GSK3B: variants seen among roughly 807,000 people sequenced by gnomAD.
GSK3B encodes glycogen synthase kinase 3 beta, also known as glycogen synthase kinase-3 beta.
GSK3B carries 15 observed loss-of-function variants against 56.4 expected under a neutral mutation model. That is an observed-to-expected ratio of 0.27 (90% CI 0.18 to 0.41). The LOEUF (loss-of-function observed/expected upper bound fraction) is 0.41. Ranked by LOEUF, GSK3B falls within the 10% of genes least tolerant of loss-of-function variation. The probability of loss-of-function intolerance (pLI) is 1.00; values close to 1 mark genes in which losing one functional copy is unlikely to be tolerated. For synonymous variants in GSK3B, 181 were observed against 188.9 expected, an observed-to-expected ratio of 0.96 and a Z score of 0.34; for missense variants, 300 against 513.4, an observed-to-expected ratio of 0.58 and a Z score of 4.02.
chr3:119,929,799 C>T lies in GSK3B; in HGVS notation c.367-6316G>A, dbSNP rs372182583. ...TGCCTGTAATCCCAGCTACTCTGGA[C>T]GCTGAGGCAGGAGAATGGCTTGAAC... On this transcript the variant is annotated intron_variant, in intron 3 of 10. Transcript: ENST00000264235. Among the ~76,000 whole-genome samples the T allele has an allele frequency of 9.4e-4, 143 of 151,470 alleles. 6 individuals are homozygous for T. In the South Asian group the frequency reaches 0.025, roughly 27 times the overall value.
chr3:120,080,040 A>G (rs1456888552), intron 1 of GSK3B, among the ~76,000 whole-genome samples: 1 of 152,186 alleles, frequency 6.6e-6, no homozygotes, highest in Admixed American at 6.5e-5. Flanking sequence ...CACACCTGCA[A>G]TCCCAGCACT....
chr3:120,052,658 T>C (rs2058159946), intron 1 of GSK3B, among the ~76,000 whole-genome samples: 1 of 152,184 alleles, frequency 6.6e-6, no homozygotes, highest in Non-Finnish European at 1.5e-5. Context: ...CTCATTACAC[T>C]CTCAGACACA....
chr3:119,829,472 T>C (rs2055565926), intron 10 of GSK3B, among the ~76,000 whole-genome samples: 1 of 152,232 alleles, frequency 6.6e-6, no homozygotes, highest in Admixed American at 6.5e-5. Flanking sequence ...ATCTATCTGT[T>C]TGACCACTAC....
At chr3:119,908,464 A>C (rs1367986406) in intron 6 of GSK3B, among the ~76,000 whole-genome samples, 1 of 152,190 alleles carries the variant, frequency 6.6e-6, no homozygotes, top group Non-Finnish European at 1.5e-5. Flanking sequence ...CAGTATTTTC[A>C]CTAACATTTT....
intron 3 of GSK3B, among the ~76,000 whole-genome samples, chr3:119,940,337 A>G (rs1214287721): frequency 6.6e-6 from 1 of 152,120 alleles, no homozygotes; most frequent in Non-Finnish European, 1.5e-5. Context: ...TCTTTATACT[A>G]TACTGCTTCA....
chr3:120,082,385 CTTTTTTTTTTTTTTT>C (rs1173737285), intron 1 of GSK3B, among the ~76,000 whole-genome samples: 2 of 66,400 alleles, frequency 3.0e-5, no homozygotes, highest in East Asian at 6.9e-4. Context: ...TTAGTATGTT[CTTTTTTTTTTTTTTT>C]TTTTTTTTTT....
chr3:119,897,517 C>T (rs1477252727), intron 7 of GSK3B, among the ~76,000 whole-genome samples: 1 of 151,654 alleles, frequency 6.6e-6, no homozygotes, highest in Admixed American at 6.6e-5. Flanking sequence ...CCCTGGAGTT[C>T]TTGGGAGAGC....
At position 120,000,993 on chromosome 3, in the gene GSK3B, C is replaced by T. The variant is rs1307100567; in HGVS notation, c.282+1053G>A. On this transcript the variant is annotated intron_variant, in intron 2 of 10. Coordinates refer to ENST00000264235, the MANE Select transcript of GSK3B (RefSeq NM_001146156.2). Reference sequence around the variant, plus strand: ...AAGCTGGAGTGCAGTGGCGCGATCTCGGCTCACTACAAGCTCTGCCTCCCG... The same window carrying T: ...AAGCTGGAGTGCAGTGGCGCGATCTTGGCTCACTACAAGCTCTGCCTCCCG... Among the ~76,000 whole-genome samples, 5 of 140,544 alleles carry T rather than the reference C, an allele frequency of 3.6e-5. No individual in the cohort carries two copies. The East Asian group carries it at 8.6e-4, about 24-fold the overall frequency. 92.2% of individuals were successfully genotyped at this position (140,544 alleles called of 152,430 possible). A position where few individuals can be genotyped will look rare whatever the true frequency, so the allele number is the denominator to read the frequency against.
Position 119,967,834 on chromosome 3 carries a change from T to C in GSK3B, c.283-20483A>G, listed in dbSNP as rs184675195. 4.0e-4 allele frequency among the ~76,000 whole-genome samples: 48 copies of C among 119,000 alleles called. 1 individual carries two copies. The East Asian group carries it at 4.2e-3, about 10-fold the overall frequency. 78.1% of individuals were successfully genotyped at this position (119,000 alleles called of 152,430 possible). On this transcript the variant is annotated intron_variant, in intron 2 of 10. Coordinates refer to ENST00000264235, the MANE Select transcript of GSK3B (RefSeq NM_001146156.2). ...CCTCCCTCCCTTTCTCTCTTTCTCT[T>C]TCTCTCTCTCTCTCTCTCTCTCTCT...
At chr3:119,929,821 G>A (rs1256363633) in intron 3 of GSK3B, among the ~76,000 whole-genome samples, 1 of 151,306 alleles carries the variant, frequency 6.6e-6, no homozygotes, top group Non-Finnish European at 1.5e-5. Context: ...AGAATGGCTT[G>A]AACCAGGAGG....
chr3:119,917,937 G>A (rs1299537683), intron 4 of GSK3B, among the ~76,000 whole-genome samples: 6 of 151,990 alleles, frequency 3.9e-5, no homozygotes, highest in Admixed American at 6.6e-5. Context: ...GCTGGGCACT[G>A]TTCTAACTGC....
chr3:119,929,974 G>A (rs564427692), intron 3 of GSK3B, among the ~76,000 whole-genome samples: 5 of 151,132 alleles, frequency 3.3e-5, no homozygotes, highest in South Asian at 4.2e-4. Context: ...ACAGCGACTC[G>A]GGAGGCTAAG....
At chr3:120,059,489 A>G (rs1668080493) in intron 1 of GSK3B, among the ~76,000 whole-genome samples, 1 of 152,232 alleles carries the variant, frequency 6.6e-6, no homozygotes, top group Admixed American at 6.5e-5. Flanking sequence ...TTAACATTCA[A>G]CAACAGTTTT....
intron 2 of GSK3B, among the ~76,000 whole-genome samples, chr3:119,970,405 C>A (rs2057354316): frequency 6.6e-6 from 1 of 152,040 alleles, no homozygotes; most frequent in Non-Finnish European, 1.5e-5. Context: ...CCACTATACA[C>A]CTATTAGAAT....
At chr3:119,885,011 A>C (rs1296303850) in intron 7 of GSK3B, among the ~76,000 whole-genome samples, 1 of 152,222 alleles carries the variant, frequency 6.6e-6, no homozygotes, top group South Asian at 2.1e-4. Context: ...GGAGAAAAAA[A>C]TAAATGGCAT....
intron 1 of GSK3B, among the ~76,000 whole-genome samples, chr3:120,072,570 C>G (rs1310296330): frequency 2.0e-5 from 3 of 152,108 alleles, no homozygotes; most frequent in African/African-American, 7.2e-5. Flanking sequence ...CTGAGCAAGA[C>G]TCAGTCTCAA....
chr3:119,839,513 G>T (rs1044516239), intron 10 of GSK3B, among the ~76,000 whole-genome samples: 4 of 152,156 alleles, frequency 2.6e-5, no homozygotes, highest in African/African-American at 9.6e-5. Flanking sequence ...GTATTCTGAT[G>T]ATCTTGCTCT....
At chr3:120,069,068 A>G (rs902891205) in intron 1 of GSK3B, among the ~76,000 whole-genome samples, 2 of 152,072 alleles carry the variant, frequency 1.3e-5, no homozygotes, top group Non-Finnish European at 2.9e-5. Context: ...AAAAGAAGAA[A>G]CCTGTCATTC....
intron 7 of GSK3B, among the ~76,000 whole-genome samples, chr3:119,896,884 G>A (rs1407066040): frequency 6.6e-6 from 1 of 152,028 alleles, no homozygotes; most frequent in Non-Finnish European, 1.5e-5. Context: ...CCTGAAATTA[G>A]GTCAACACAC....
Sources: gnomAD v4.1 joint callset for allele counts (sites outside exome capture counted in the v4.1 genomes callset) on GRCh38, gnomAD v4.1.1 for gene constraint, MANE v1.5 for transcripts, NCBI Gene and HGNC (gene_info 2026-07-23, HGNC 2026-07-21) for gene names.